The following HDGFL3 variants were observed in gnomAD, a reference collection of about 807,000 sequenced individuals.
The protein encoded by HDGFL3 is hepatoma-derived growth factor-related protein 3.
A neutral mutation model predicts 27.6 loss-of-function variants in HDGFL3; 6 were observed. The observed-to-expected ratio is 0.22, with a 90% CI of 0.12 to 0.43. HDGFL3 has a LOEUF of 0.43. Among genes scored for constraint, HDGFL3 ranks in the 20% least tolerant of loss-of-function variants. The pLI, the probability that HDGFL3 is intolerant of heterozygous loss-of-function variation, is 1.00. For missense variants in HDGFL3, 207 were observed against 250.1 expected (o/e 0.83, Z 1.16); for synonymous variants, 88 against 88.9 (o/e 0.99, Z 0.05).
At chr15:83,162,806 T>C (rs2037117463) in intron 2 of HDGFL3, among the ~76,000 whole-genome samples, 1 of 152,226 alleles carries the variant, frequency 6.6e-6, no homozygotes, top group Admixed American at 6.5e-5. Flanking sequence ...TGAACATAAG[T>C]GATGACCCTG....
intron 1 of HDGFL3, among the ~76,000 whole-genome samples, chr15:83,196,931 T>A (rs1425491136): frequency 6.6e-6 from 1 of 152,220 alleles, no homozygotes; most frequent in Non-Finnish European, 1.5e-5. Context: ...TAAATGTATC[T>A]ACTAACATCT....
At chr15:83,165,179 G>T (rs965263) in intron 1 of HDGFL3, among the ~76,000 whole-genome samples, 30,825 of 152,008 alleles carry the variant, frequency 0.2, 3,274 homozygotes, top group Admixed American at 0.22. Context: ...TAGCAAGTGG[G>T]GAACCCTGAA....
At position 83,117,411 on chromosome 15, in the gene HDGFL3, G is replaced by A. The variant is rs147940226; in HGVS notation, c.394-1670C>T. Among the ~76,000 whole-genome samples, 13 of 152,236 alleles carry A rather than the reference G, an allele frequency of 8.5e-5. No individual in the cohort carries two copies. In the East Asian group the frequency reaches 2.5e-3, roughly 29 times the overall value. ...GTACCTGAATGTCTGAGAGGAGAAG[G>A]GCTTGCCTATGAGAAGGTAGAGAGA... On this transcript the variant is annotated intron_variant, in intron 3 of 3. Coordinates refer to the HDGFL3 transcript ENST00000568294.
chr15:83,157,863 G>T, intron 3 of HDGFL3, 40 bp downstream of exon 3: 1 of 1,582,040 alleles, frequency 6.3e-7, no homozygotes, highest in Non-Finnish European at 8.6e-7. Context: ...TAAAACCAAA[G>T]AAATGAGATA....
intron 1 of HDGFL3, chr15:83,184,506 T>C (rs911679130): frequency 8.5e-5 from 13 of 152,188 alleles, no homozygotes; most frequent in Admixed American, 5.9e-4. Flanking sequence ...AAACAACTTA[T>C]AAAATATAAT....
chr15:83,123,386 C>G (rs992794211), downstream of HDGFL3, among the ~76,000 whole-genome samples: 1 of 152,194 alleles, frequency 6.6e-6, no homozygotes, highest in African/African-American at 2.4e-5. Context: ...CCATTCACAG[C>G]CAAGGTAGTC....
rs188729901 is a variant in HDGFL3 at position 83,203,429 on chromosome 15, C to G, written c.84+3902G>C. ...GTGATTTACTGCCATTTGGTGTGTG[C>G]CCGGTTGAGCAGGATTATGGAATAT... On this transcript the variant is annotated intron_variant, in intron 1 of 5. Coordinates refer to ENST00000299633, the MANE Select transcript of HDGFL3 (RefSeq NM_016073.4). 5.9e-5 allele frequency among the ~76,000 whole-genome samples: 9 copies of G among 151,954 alleles called. No individual in the cohort carries two copies. In the East Asian group the frequency reaches 1.5e-3, roughly 26 times the overall value.
intron 1 of HDGFL3, among the ~76,000 whole-genome samples, chr15:83,166,537 T>C (rs1478475571): frequency 6.6e-6 from 1 of 152,190 alleles, no homozygotes; most frequent in Non-Finnish European, 1.5e-5. Context: ...GCAGACCCTA[T>C]AAAGTAACCA....
chr15:83,145,759 C>T (rs926526977), intron 5 of HDGFL3, among the ~76,000 whole-genome samples: 19 of 152,084 alleles, frequency 1.2e-4, no homozygotes, highest in African/African-American at 4.6e-4. Context: ...CATAGATTAT[C>T]TTTCTAACAT....
At chr15:83,169,113 T>C (rs2037209526) in intron 1 of HDGFL3, 2 of 299,138 alleles carry the variant, frequency 6.7e-6, no homozygotes, top group South Asian at 5.9e-5. Context: ...TGAAGGAACA[T>C]ATCTCAAAAT....
intron 1 of HDGFL3, among the ~76,000 whole-genome samples, chr15:83,205,041 T>G (rs1292890768): frequency 6.6e-6 from 1 of 152,224 alleles, no homozygotes; most frequent in Non-Finnish European, 1.5e-5. Flanking sequence ...GTTTGAGTCC[T>G]TGGCGCCCCA....
intron 1 of HDGFL3, among the ~76,000 whole-genome samples, chr15:83,204,860 G>A (rs549564250): frequency 6.6e-6 from 1 of 152,324 alleles, no homozygotes; most frequent in African/African-American, 2.4e-5. Context: ...CCAACCTGTA[G>A]GAATTCTGAA....
intron 1 of HDGFL3, among the ~76,000 whole-genome samples, chr15:83,197,998 G>A (rs888445798): frequency 1.5e-4 from 18 of 119,976 alleles, no homozygotes; most frequent in Non-Finnish European, 2.5e-4. Flanking sequence ...AGCTTGCAGT[G>A]AGCCAAGAAC....
intron 1 of HDGFL3, among the ~76,000 whole-genome samples, chr15:83,167,219 C>T (rs1312025404): frequency 6.6e-6 from 1 of 152,158 alleles, no homozygotes; most frequent in East Asian, 1.9e-4. Context: ...GCAGGAGTTG[C>T]TGTACTTAGA....
intron 1 of HDGFL3, among the ~76,000 whole-genome samples, chr15:83,187,887 CAAA>C (rs748482520): frequency 5.3e-5 from 4 of 75,522 alleles, no homozygotes; most frequent in East Asian, 4.4e-4. Context: ...AACTCTGTCT[CAAA>C]AAAAAAAAAA....
chr15:83,157,871 A>T, intron 3 of HDGFL3, 32 bp downstream of exon 3: 1 of 1,595,238 alleles, frequency 6.3e-7, no homozygotes, highest in Non-Finnish European at 8.6e-7. Context: ...AAGAAATGAG[A>T]TATAGCAAGT....
chr15:83,152,695 A>C (rs1190248802), intron 4 of HDGFL3, among the ~76,000 whole-genome samples: 4 of 151,720 alleles, frequency 2.6e-5, no homozygotes, highest in South Asian at 2.1e-4. Flanking sequence ...AAAAAAAAAA[A>C]AAAACAAAAA....
At chr15:83,158,093 A>G (rs759939481) in intron 2 of HDGFL3, 52 bp from the exon 3 acceptor site, 2 of 1,444,480 alleles carry the variant, frequency 1.4e-6, no homozygotes, top group South Asian at 1.2e-5. Flanking sequence ...CAAAGGTAAG[A>G]TATTTTAAAT....
intron 1 of HDGFL3, among the ~76,000 whole-genome samples, chr15:83,184,146 TTTAAG>T (rs2151417397): frequency 6.6e-6 from 1 of 152,358 alleles, no homozygotes; most frequent in South Asian, 2.1e-4. Flanking sequence ...TTCAGAGGGC[TTTAAG>T]TTGTTAACAC....
Sources: gnomAD v4.1 joint callset for allele counts (sites outside exome capture counted in the v4.1 genomes callset) on GRCh38, gnomAD v4.1.1 for gene constraint, MANE v1.5 for transcripts, NCBI Gene and HGNC (gene_info 2026-07-23, HGNC 2026-07-21) for gene names.